ERBB4: variants seen among roughly 807,000 people sequenced by gnomAD.
ERBB4 encodes receptor tyrosine-protein kinase erbB-4.
ERBB4 carries 42 observed loss-of-function variants against 158.0 expected under a neutral mutation model. The ratio of observed to expected loss-of-function variants is 0.27; its 90% CI spans 0.21 to 0.34. The LOEUF is 0.34. Ranked by LOEUF, ERBB4 falls within the 10% of genes least tolerant of loss-of-function variation. The pLI is 1.00. For missense variants in ERBB4, 1,333 were observed against 1,624.1 expected (o/e 0.82, Z 3.08); for synonymous variants, 583 against 558.7 (o/e 1.04, Z -0.61).
intron 20 of ERBB4, among the ~76,000 whole-genome samples, chr2:211,548,029 G>C (rs2066986685): frequency 6.6e-6 from 1 of 152,054 alleles, no homozygotes; most frequent in African/African-American, 2.4e-5. Flanking sequence ...CATATTTCAT[G>C]CAAACTCCAG....
In ERBB4 at chr2:211,738,039, A is replaced by G. The variant is rs556194869; in HGVS notation, c.622+12600T>C. On this transcript the variant is annotated intron_variant, in intron 5 of 27. Coordinates refer to ENST00000342788, the MANE Select transcript of ERBB4 (RefSeq NM_005235.3). Reference sequence around the variant, plus strand: ...TGCATATGATAATCTAAGTGTTAAAATAATACATTTCGTGGTTCAAGAAAA... The same window carrying G: ...TGCATATGATAATCTAAGTGTTAAAGTAATACATTTCGTGGTTCAAGAAAA... Among the ~76,000 whole-genome samples, 15 of 141,716 alleles carry G rather than the reference A, an allele frequency of 1.1e-4. No homozygotes were observed. In the East Asian group the frequency reaches 4.5e-3, roughly 42 times the overall value. The allele number at this position is 141,716 out of a possible 152,430, so 93.0% of individuals were successfully genotyped here.
At chr2:211,524,981 G>A (rs191629469) in intron 20 of ERBB4, among the ~76,000 whole-genome samples, 1 of 152,188 alleles carries the variant, frequency 6.6e-6, no homozygotes, top group Non-Finnish European at 1.5e-5. Context: ...GCTTATGCCT[G>A]CTCCCATAGG....
At chr2:211,872,237 C>T (rs910129133) in intron 3 of ERBB4, among the ~76,000 whole-genome samples, 5 of 152,124 alleles carry the variant, frequency 3.3e-5, no homozygotes, top group African/African-American at 1.2e-4. Context: ...ATAATTCATG[C>T]TCAGTTTGTT....
intron 1 of ERBB4, among the ~76,000 whole-genome samples, chr2:212,132,637 G>T (rs575508448): frequency 6.6e-6 from 1 of 151,978 alleles, no homozygotes; most frequent in Non-Finnish European, 1.5e-5. Context: ...CTATACCATT[G>T]CCACTCTAAC....
chr2:211,846,948 C>T (rs372774357), intron 3 of ERBB4, among the ~76,000 whole-genome samples: 1 of 152,084 alleles, frequency 6.6e-6, no homozygotes, highest in African/African-American at 2.4e-5. Context: ...CAGTTGAGTG[C>T]TTCTTTTAAG....
intron 1 of ERBB4, among the ~76,000 whole-genome samples, chr2:212,530,810 A>C (rs928889693): frequency 6.6e-6 from 1 of 152,214 alleles, no homozygotes; most frequent in Non-Finnish European, 1.5e-5. Context: ...AGAGCAGTAA[A>C]GATTTAGCAG....
chr2:212,003,213 G>GAAAGA lies in ERBB4; in HGVS notation c.235-55598_235-55597insTCTTT, dbSNP rs1559294176. Reference sequence around the variant, plus strand: ...AGAAAGAAAGAAAGAAAGACAGAAAGAAGGAAGGAAGGAAGGAAGGAAGGA... The same window carrying GAAAGA: ...AGAAAGAAAGAAAGAAAGACAGAAAGAAAGAAAGGAAGGAAGGAAGGAAGGAAGGA... On this transcript the variant is annotated intron_variant, in intron 2 of 27. Transcript: ENST00000342788. 1.6e-3 allele frequency among the ~76,000 whole-genome samples: 56 copies of GAAAGA among 35,806 alleles called. 1 individual carries two copies. Among genetic ancestry groups the GAAAGA allele is most frequent in the Admixed American group, 7.3e-3 (25 of 3,414 alleles). 23.5% of individuals were successfully genotyped at this position (35,806 alleles called of 152,430 possible).
chr2:212,236,021 G>C (rs13428714), intron 1 of ERBB4, among the ~76,000 whole-genome samples: 61,429 of 152,028 alleles, frequency 0.4, 13,942 homozygotes, highest in East Asian at 0.76. Flanking sequence ...GGAGTGATGA[G>C]AAAGGGCATC....
intron 16 of ERBB4, among the ~76,000 whole-genome samples, chr2:211,655,490 T>G (rs2071177620): frequency 6.6e-6 from 1 of 152,188 alleles, no homozygotes; most frequent in South Asian, 2.1e-4. Flanking sequence ...TTAAGGAACT[T>G]ACCCACAGTC....
chr2:211,599,085 A>T (rs1413993126), intron 19 of ERBB4, among the ~76,000 whole-genome samples: 2 of 152,220 alleles, frequency 1.3e-5, no homozygotes, highest in South Asian at 2.1e-4. Flanking sequence ...GACTGTTAAA[A>T]CTGAGCAGTG....
intron 2 of ERBB4, among the ~76,000 whole-genome samples, chr2:212,070,147 A>T (rs2078070218): frequency 6.6e-6 from 1 of 152,018 alleles, no homozygotes; most frequent in Non-Finnish European, 1.5e-5. Flanking sequence ...ATAATTTTTT[A>T]AAAAGTACAA....
intron 1 of ERBB4, among the ~76,000 whole-genome samples, chr2:212,507,136 G>A (rs1691235187): frequency 6.6e-6 from 1 of 151,512 alleles, no homozygotes; most frequent in Non-Finnish European, 1.5e-5. Context: ...TAGCCTAGTT[G>A]ACAACACATC....
intron 1 of ERBB4, among the ~76,000 whole-genome samples, chr2:212,267,440 T>C (rs1285255045): frequency 6.6e-6 from 1 of 151,838 alleles, no homozygotes; most frequent in African/African-American, 2.4e-5. Context: ...TATATTTGAA[T>C]AGGTCTAGGT....
chr2:211,629,366 T>A (rs1255784768), intron 17 of ERBB4, among the ~76,000 whole-genome samples: 1 of 151,892 alleles, frequency 6.6e-6, no homozygotes, highest in African/African-American at 2.4e-5. Flanking sequence ...TTCAAGGAGA[T>A]CTACAAACCA....
intron 2 of ERBB4, among the ~76,000 whole-genome samples, chr2:211,951,829 T>A (rs537885257): frequency 2.0e-5 from 3 of 152,252 alleles, no homozygotes; most frequent in Admixed American, 2.0e-4. Flanking sequence ...ATCCTTTTCT[T>A]ATGTGAACTC....
chr2:212,218,965 T>TA (rs1389481379), intron 1 of ERBB4, among the ~76,000 whole-genome samples: 1 of 151,422 alleles, frequency 6.6e-6, no homozygotes, highest in African/African-American at 2.4e-5. Context: ...ATTTTTTTTT[T>TA]ACCACTCAAA....
intron 1 of ERBB4, among the ~76,000 whole-genome samples, chr2:212,249,922 T>A (rs1183059649): frequency 6.6e-6 from 1 of 152,012 alleles, no homozygotes; most frequent in Non-Finnish European, 1.5e-5. Flanking sequence ...AGAGCTTATA[T>A]GCAATTGGCA....
At position 211,597,894 on chromosome 2, in the gene ERBB4, A is replaced by G. The variant is rs142061693; in HGVS notation, c.2301+21283T>C. Among the ~76,000 whole-genome samples the G allele has an allele frequency of 6.7e-3, 1,018 of 152,292 alleles. 15 individuals carry two copies. The highest frequency in any genetic ancestry group is 0.023 in the African/African-American group (958 of 41,576). Reference sequence around the variant, plus strand: ...TAAAATTTCCCCAAAAAGAAAGATTATATCTTTGTATGTTATTATTTGATA... The same window carrying G: ...TAAAATTTCCCCAAAAAGAAAGATTGTATCTTTGTATGTTATTATTTGATA... On this transcript the variant is annotated intron_variant, in intron 19 of 27. Transcript: ENST00000342788.
chr2:211,513,755 G>A (rs2065949484), intron 20 of ERBB4, among the ~76,000 whole-genome samples: 1 of 152,070 alleles, frequency 6.6e-6, no homozygotes, highest in African/African-American at 2.4e-5. Flanking sequence ...CTAACAGGAA[G>A]AAGAAATACA....
Sources: gnomAD v4.1 joint callset for allele counts (sites outside exome capture counted in the v4.1 genomes callset) on GRCh38, gnomAD v4.1.1 for gene constraint, MANE v1.5 for transcripts, NCBI Gene and HGNC (gene_info 2026-07-23, HGNC 2026-07-21) for gene names.